Variants in TNNI3K observed in about 807,000 individuals in gnomAD.
TNNI3K encodes the protein serine/threonine-protein kinase TNNI3K.
A neutral mutation model predicts 114.5 loss-of-function variants in TNNI3K; 140 were observed. The observed-to-expected ratio is 1.22, with a 90% CI of 1.07 to 1.41. The LOEUF (loss-of-function observed/expected upper bound fraction) is 1.41, where lower values mean the gene tolerates loss of function less well. TNNI3K is among the 40% of genes most tolerant of loss of function. The pLI is 0.00. For synonymous variants in TNNI3K, 347 were observed against 347.5 expected, an observed-to-expected ratio of 1.00 and a Z score of 0.02; for missense variants, 1,125 against 1,007.6, an observed-to-expected ratio of 1.12 and a Z score of -1.58.
At chr1:74,439,253 T>A (rs1429248660) in intron 19 of TNNI3K, 1 of 406,536 alleles carries the variant, frequency 2.5e-6, no homozygotes, top group Non-Finnish European at 4.1e-6. Flanking sequence ...AACTTTATGA[T>A]CTTCCAATGA....
At chr1:74,391,184 C>T (rs1339615812) in intron 17 of TNNI3K, among the ~76,000 whole-genome samples, 2 of 152,038 alleles carry the variant, frequency 1.3e-5, no homozygotes, top group Admixed American at 6.6e-5. Flanking sequence ...AATATTTGGA[C>T]ACTAGAGATA....
chr1:74,293,565 G>A (rs1342850025), intron 5 of TNNI3K, among the ~76,000 whole-genome samples: 4 of 151,388 alleles, frequency 2.6e-5, no homozygotes, highest in Non-Finnish European at 5.9e-5. Flanking sequence ...TATAATTTTT[G>A]TACACTGGCC....
intron 17 of TNNI3K, chr1:74,371,039 G>C (rs191048804): frequency 6.6e-6 from 1 of 151,996 alleles, no homozygotes; most frequent in East Asian, 1.9e-4. Flanking sequence ...CACTGCTAAG[G>C]AGAGAGATTC....
At chr1:74,266,807 G>A (rs539528381) in intron 4 of TNNI3K, among the ~76,000 whole-genome samples, 1 of 151,884 alleles carries the variant, frequency 6.6e-6, no homozygotes, top group Non-Finnish European at 1.5e-5. Context: ...TTTATGGCTA[G>A]TACAGAGTTG....
chr1:74,244,824 G>A (rs902152510), intron 2 of TNNI3K, among the ~76,000 whole-genome samples: 2 of 151,632 alleles, frequency 1.3e-5, no homozygotes, highest in Admixed American at 6.6e-5. Context: ...GAATAAGAAA[G>A]CAATTGAGTT....
At chr1:74,370,921 A>G (rs1662562703) in intron 17 of TNNI3K, 1 of 151,908 alleles carries the variant, frequency 6.6e-6, no homozygotes, top group Non-Finnish European at 1.5e-5. Flanking sequence ...CTAAATAGTG[A>G]AAACTTTCTC....
rs1213811000 is a variant in TNNI3K, at chr1:74,492,252, T to C, written c.2337T>C (p.Ala779=). 17 of 1,575,750 alleles carry C rather than the reference T, an allele frequency of 1.1e-5. No homozygotes were observed. In the East Asian group the frequency reaches 3.8e-4, roughly 36 times the overall value. The change falls in exon 23 of 25, where the codon GCT becomes GCC. Residue 779 remains alanine, a synonymous_variant. Transcript: ENST00000326637. ...LEYALNARSY[A]ALSQSAGQYS... Reference sequence around the variant, plus strand: ...ATGCTCTAAATGCAAGGTCCTATGCTGCTTTGTCCCAAAGGTGAGTGGTAA... The same window carrying C: ...ATGCTCTAAATGCAAGGTCCTATGCCGCTTTGTCCCAAAGGTGAGTGGTAA...
chr1:74,426,806 C>T (rs780460856), intron 17 of TNNI3K, among the ~76,000 whole-genome samples: 6 of 152,000 alleles, frequency 3.9e-5, no homozygotes, highest in Non-Finnish European at 8.8e-5. Flanking sequence ...GAGAAGAATC[C>T]GGTGACACTT....
At chr1:74,471,968 C>G in intron 21 of TNNI3K, 1 of 620,016 alleles carries the variant, frequency 1.6e-6, no homozygotes, top group Non-Finnish European at 2.9e-6. Flanking sequence ...CAAGGATCAT[C>G]ATATTTTGAT....
At chr1:74,457,886 G>A (rs553107228) in intron 20 of TNNI3K, among the ~76,000 whole-genome samples, 51 of 152,214 alleles carry the variant, frequency 3.4e-4, no homozygotes, top group African/African-American at 1.2e-3. Flanking sequence ...AGTGAGATAG[G>A]TTGTAGCCTT....
chr1:74,304,011 G>C (rs1202004881), intron 5 of TNNI3K, among the ~76,000 whole-genome samples: 1 of 152,190 alleles, frequency 6.6e-6, no homozygotes, highest in Non-Finnish European at 1.5e-5. Flanking sequence ...AACTTGATTG[G>C]ATGAGGAATT....
chr1:74,269,175 A>C (rs1036304819), intron 4 of TNNI3K, among the ~76,000 whole-genome samples: 1 of 151,894 alleles, frequency 6.6e-6, no homozygotes, highest in Non-Finnish European at 1.5e-5. Context: ...AACCAGTTTA[A>C]AATAGCCATC....
intron 5 of TNNI3K, among the ~76,000 whole-genome samples, chr1:74,306,535 C>T (rs919090127): frequency 4.6e-5 from 7 of 152,150 alleles, no homozygotes; most frequent in Admixed American, 1.3e-4. Context: ...TCCATGCCAA[C>T]ATGTGTTAGT....
chr1:74,297,743 C>T (rs978273723), intron 5 of TNNI3K, among the ~76,000 whole-genome samples: 1 of 151,848 alleles, frequency 6.6e-6, no homozygotes, highest in South Asian at 2.1e-4. Context: ...TATAAGGTGC[C>T]TCTGGTCTAT....
chr1:74,281,067 C>T (rs1470959027), intron 5 of TNNI3K, among the ~76,000 whole-genome samples: 3 of 152,098 alleles, frequency 2.0e-5, no homozygotes, highest in Non-Finnish European at 2.9e-5. Context: ...CTAGACCCAC[C>T]CTGGGACAGA....
chr1:74,394,501 C>T (rs907576438), intron 17 of TNNI3K, among the ~76,000 whole-genome samples: 13 of 152,186 alleles, frequency 8.5e-5, no homozygotes, highest in African/African-American at 3.1e-4. Context: ...ACAGGATATA[C>T]TAGGCCCCTG....
At chr1:74,524,218 A>ACC (rs1646472329) in intron 23 of TNNI3K, among the ~76,000 whole-genome samples, 1 of 152,238 alleles carries the variant, frequency 6.6e-6, no homozygotes, top group Admixed American at 6.5e-5. Context: ...CATCAGAAGT[A>ACC]TTTAGAGGCA....
chr1:74,452,476 A>G (rs925262873), intron 20 of TNNI3K, among the ~76,000 whole-genome samples: 1 of 151,878 alleles, frequency 6.6e-6, no homozygotes, highest in African/African-American at 2.4e-5. Flanking sequence ...TTTCTTTTTA[A>G]AATTATTTTC....
intron 7 of TNNI3K, among the ~76,000 whole-genome samples, chr1:74,339,545 A>G (rs1660649000): frequency 6.6e-6 from 1 of 152,148 alleles, no homozygotes; most frequent in Non-Finnish European, 1.5e-5. Context: ...AGAGAGTACA[A>G]TTTGAAATCC....
Sources: allele counts gnomAD v4.1 joint callset (sites outside exome capture counted in the v4.1 genomes callset), GRCh38; gene constraint gnomAD v4.1.1; transcripts MANE v1.5; gene names NCBI Gene and HGNC (gene_info 2026-07-23, HGNC 2026-07-21).